The following MMS22L variants were observed in gnomAD, a reference collection of about 807,000 sequenced individuals.
The protein encoded by MMS22L is protein MMS22-like.
A neutral mutation model predicts 159.1 loss-of-function variants in MMS22L; 74 were observed. The ratio of observed to expected loss-of-function variants is 0.47; its 90% CI spans 0.39 to 0.56. The LOEUF is 0.56. MMS22L is among the 20% of genes least tolerant of loss of function. The pLI, the probability that MMS22L is intolerant of heterozygous loss-of-function variation, is 0.00. For synonymous variants in MMS22L, 517 were observed against 506.9 expected (o/e 1.02, Z -0.27); for missense variants, 1,351 against 1,422.1 (o/e 0.95, Z 0.80).
In MMS22L at chr6:97,181,908, T is replaced by C; in HGVS notation, c.2380A>G (p.Asn794Asp). The C allele has an allele frequency of 6.2e-7, 1 of 1,611,916 alleles. No individual in the cohort carries two copies. The highest frequency in any genetic ancestry group is 8.5e-7 in the Non-Finnish European group (1 of 1,179,158). Reference sequence around the variant, plus strand: ...GCCTGAAATAAAAGCACGTACCTATTTTGTAGGACATGACTTAAATATCTT... The same window carrying C: ...GCCTGAAATAAAAGCACGTACCTATCTTGTAGGACATGACTTAAATATCTT... The part of the protein sequence containing the change: ...VARYLSHVLQ[N>D]STLCEALSHS... Residue 794 changes from asparagine to aspartate, a missense_variant, in exon 16 of 25, where the codon AAT becomes GAT. Coordinates refer to ENST00000683635, the MANE Select transcript of MMS22L (RefSeq NM_001350599.2).
intron 22 of MMS22L, among the ~76,000 whole-genome samples, chr6:97,160,943 T>G (rs1205635550): frequency 1.3e-5 from 2 of 152,080 alleles, no homozygotes; most frequent in Non-Finnish European, 2.9e-5. Flanking sequence ...TCATAAAATT[T>G]CTTTCCCTAT....
chr6:97,268,836 T>G (rs1285109922), intron 7 of MMS22L, among the ~76,000 whole-genome samples: 1 of 151,896 alleles, frequency 6.6e-6, no homozygotes, highest in Non-Finnish European at 1.5e-5. Flanking sequence ...GGTGTACATC[T>G]TCATATGTTT....
intron 13 of MMS22L, chr6:97,230,164 T>C (rs973001644): frequency 1.3e-5 from 2 of 152,176 alleles, no homozygotes; most frequent in Non-Finnish European, 2.9e-5. Flanking sequence ...TGGCGCAATT[T>C]AGGCTCACTG....
At chr6:97,234,824 G>T (rs1168881734) in intron 11 of MMS22L, among the ~76,000 whole-genome samples, 2 of 152,196 alleles carry the variant, frequency 1.3e-5, no homozygotes, top group Non-Finnish European at 2.9e-5. Context: ...TTGAAGGGCT[G>T]CAATTGAACT....
chr6:97,215,114 A>ATATT lies in MMS22L; in HGVS notation c.2039+13779_2039+13780insAATA, dbSNP rs1209431095. On this transcript the variant is annotated intron_variant, in intron 14 of 24. Coordinates refer to ENST00000683635, the MANE Select transcript of MMS22L (RefSeq NM_001350599.2). ...TAAATATATATATATATATATATAT[A>ATATT]TTTTTTTTTTGCATTGTTTCACTAG... 5.5e-4 allele frequency among the ~76,000 whole-genome samples: 48 copies of ATATT among 87,218 alleles called. 1 individual carries two copies. Among genetic ancestry groups the ATATT allele is most frequent in the Middle Eastern group, 6.4e-3 (1 of 156 alleles). 57.2% of individuals were successfully genotyped at this position (87,218 alleles called of 152,430 possible).
At chr6:97,176,320 T>G (rs1445725468) in intron 18 of MMS22L, among the ~76,000 whole-genome samples, 1 of 152,096 alleles carries the variant, frequency 6.6e-6, no homozygotes, top group African/African-American at 2.4e-5. Flanking sequence ...TGCCTTAGAC[T>G]TCTCAATATT....
chr6:97,171,786 T>C (rs1212223113), intron 19 of MMS22L, among the ~76,000 whole-genome samples: 1 of 152,132 alleles, frequency 6.6e-6, no homozygotes, highest in Admixed American at 6.6e-5. Flanking sequence ...GGTTATGCTA[T>C]CCCAACCCCA....
intron 11 of MMS22L, among the ~76,000 whole-genome samples, chr6:97,239,799 G>A (rs1005930190): frequency 6.6e-6 from 1 of 152,134 alleles, no homozygotes; most frequent in Non-Finnish European, 1.5e-5. Flanking sequence ...CTAATGACTC[G>A]GGAGAAGGAG....
intron 14 of MMS22L, among the ~76,000 whole-genome samples, chr6:97,196,949 A>G (rs867134121): frequency 4.6e-5 from 7 of 152,202 alleles, no homozygotes; most frequent in Non-Finnish European, 7.3e-5. Flanking sequence ...ATCTAATAAA[A>G]GTGAGCATGG....
At chr6:97,154,708 T>C (rs2128235986) in intron 22 of MMS22L, among the ~76,000 whole-genome samples, 1 of 152,276 alleles carries the variant, frequency 6.6e-6, no homozygotes, top group Non-Finnish European at 1.5e-5. Flanking sequence ...AGACTACTTT[T>C]CCCCAATTAA....
At chr6:97,226,735 T>C (rs1810300296) in intron 14 of MMS22L, among the ~76,000 whole-genome samples, 1 of 152,094 alleles carries the variant, frequency 6.6e-6, no homozygotes, top group African/African-American at 2.4e-5. Context: ...GAAGGAGATA[T>C]CTGGAAGGTT....
chr6:97,177,302 C>G (rs1804225723), intron 18 of MMS22L, among the ~76,000 whole-genome samples: 1 of 152,136 alleles, frequency 6.6e-6, no homozygotes, highest in Non-Finnish European at 1.5e-5. Context: ...ACTGATTGAT[C>G]TGTCAACCAA....
At chr6:97,267,831 C>T (rs774678518) in intron 8 of MMS22L, 41 bp downstream of exon 8, 2 of 1,520,836 alleles carry the variant, frequency 1.3e-6, no homozygotes, top group South Asian at 1.4e-5. Flanking sequence ...GGACTGAATA[C>T]TGTCTTTAAG....
rs2128229096 is a variant in MMS22L at position 97,146,527 on chromosome 6, A to T, written c.*279T>A. 1 of 221,660 alleles carries T rather than the reference A, an allele frequency of 4.5e-6. No individual in the cohort carries two copies. The highest frequency in any genetic ancestry group is 1.7e-3 in the Middle Eastern group (1 of 590). 13.7% of individuals were successfully genotyped at this position (221,660 alleles called of 1,614,324 possible). A position where few individuals can be genotyped will look rare whatever the true frequency, so the allele number is the denominator to read the frequency against. ...GTATCTGCTTAATACTCACACACAG[A>T]AAACACTCTCAGAAAATGTTTCTTT... On this transcript the variant is annotated 3_prime_UTR_variant, in exon 25 of 25. Transcript: ENST00000683635.
At chr6:97,178,256 A>G (rs1010107956) in intron 18 of MMS22L, among the ~76,000 whole-genome samples, 187 bp downstream of exon 18, 1 of 152,124 alleles carries the variant, frequency 6.6e-6, no homozygotes, top group African/African-American at 2.4e-5. Context: ...TGCTGTCCTT[A>G]AGTGTGAATT....
rs878886938 is a variant in MMS22L, at chr6:97,142,410, T to C, written c.*4396A>G. The stretch of plus-strand genomic sequence containing the variant: ...CACCTTATTAAATTTGTAAAGAATA[T>C]GCTATGTTGCTAGCTTCCCAAACCA... On this transcript the variant is annotated 3_prime_UTR_variant, in exon 25 of 25. Transcript: ENST00000683635. The C allele has an allele frequency of 6.6e-6, 1 of 152,476 alleles. No homozygotes were observed. Among genetic ancestry groups the C allele is most frequent in the South Asian group, 2.1e-4 (1 of 4,838 alleles). 9.4% of individuals were successfully genotyped at this position (152,476 alleles called of 1,614,324 possible).
chr6:97,221,784 A>C (rs1286222472), intron 14 of MMS22L, among the ~76,000 whole-genome samples: 1 of 152,014 alleles, frequency 6.6e-6, no homozygotes, highest in African/African-American at 2.4e-5. Context: ...TGTGTTTCCC[A>C]AAAATTATTA....
intron 11 of MMS22L, among the ~76,000 whole-genome samples, chr6:97,242,535 A>C (rs1299822550): frequency 6.6e-6 from 1 of 152,104 alleles, no homozygotes; most frequent in Admixed American, 6.5e-5. Context: ...GTGAATTTTT[A>C]TCCATTCTGC....
At chr6:97,155,945 C>T (rs755366210) in intron 22 of MMS22L, among the ~76,000 whole-genome samples, 9 of 152,136 alleles carry the variant, frequency 5.9e-5, no homozygotes, top group Non-Finnish European at 1.0e-4. Context: ...TTCACACTCC[C>T]AACAGTGTGA....
Sources: gnomAD v4.1 joint callset for allele counts (sites outside exome capture counted in the v4.1 genomes callset) on GRCh38, gnomAD v4.1.1 for gene constraint, MANE v1.5 for transcripts, NCBI Gene and HGNC (gene_info 2026-07-23, HGNC 2026-07-21) for gene names.